The following SSH2 variants were observed in gnomAD, a reference collection of about 807,000 sequenced individuals.
SSH2 encodes slingshot protein phosphatase 2, also known as protein phosphatase Slingshot homolog 2.
SSH2 carries 37 observed loss-of-function variants against 135.2 expected under a neutral mutation model. The ratio of observed to expected loss-of-function variants is 0.27; its 90% CI spans 0.21 to 0.36. The LOEUF is 0.36. Among genes scored for constraint, SSH2 ranks in the 10% least tolerant of loss-of-function variants. SSH2 has a pLI of 1.00. For missense variants in SSH2, 1,408 were observed against 1,765.3 expected, an observed-to-expected ratio of 0.80 and a Z score of 3.63; for synonymous variants, 628 against 646.2, an observed-to-expected ratio of 0.97 and a Z score of 0.43.
intron 1 of SSH2, among the ~76,000 whole-genome samples, chr17:29,869,858 C>G (rs2065911237): frequency 6.6e-6 from 1 of 152,136 alleles, no homozygotes; most frequent in Non-Finnish European, 1.5e-5. Flanking sequence ...AATCAGAACT[C>G]TCCTCATAGG....
intron 13 of SSH2, among the ~76,000 whole-genome samples, chr17:29,648,970 C>A (rs1212565026): frequency 6.6e-6 from 1 of 152,134 alleles, no homozygotes; most frequent in Non-Finnish European, 1.5e-5. Flanking sequence ...GAAACCCTGT[C>A]TCTACTAAAA....
At chr17:29,810,362 A>G (rs1197580945) in intron 2 of SSH2, among the ~76,000 whole-genome samples, 2 of 152,230 alleles carry the variant, frequency 1.3e-5, no homozygotes, top group African/African-American at 4.8e-5. Flanking sequence ...TAAATTAGGG[A>G]ACTAATCATC....
chr17:29,649,044 G>A (rs1453841396), intron 13 of SSH2, among the ~76,000 whole-genome samples: 1 of 152,108 alleles, frequency 6.6e-6, no homozygotes, highest in East Asian at 1.9e-4. Context: ...AGGAGGCCGA[G>A]GCAGGAGAAT....
chr17:29,745,804 A>G (rs961090657), intron 3 of SSH2, among the ~76,000 whole-genome samples: 5 of 147,524 alleles, frequency 3.4e-5, no homozygotes, highest in South Asian at 2.2e-4. Context: ...CATAGGTATT[A>G]TAAGTTCCAT....
intron 1 of SSH2, chr17:29,883,130 A>G (rs1352168465): frequency 6.6e-6 from 1 of 152,166 alleles, no homozygotes; most frequent in African/African-American, 2.4e-5. Flanking sequence ...TAAAATAGAA[A>G]AGAAAAAAGA....
chr17:29,720,833 A>G (rs2039798272), intron 3 of SSH2, among the ~76,000 whole-genome samples: 1 of 152,218 alleles, frequency 6.6e-6, no homozygotes, highest in Non-Finnish European at 1.5e-5. Context: ...GTCAAAGAAA[A>G]GGGAAAAGAG....
At chr17:29,778,835 CAAAAAAAAAAAAAAA>C (rs60595591) in intron 3 of SSH2, among the ~76,000 whole-genome samples, 13 of 37,868 alleles carry the variant, frequency 3.4e-4, no homozygotes, top group East Asian at 2.3e-3. Flanking sequence ...CTCCGTCTCC[CAAAAAAAAAAAAAAA>C]AAAAAAAAAA....
Position 29,631,463 on chromosome 17 carries a change from C to G in SSH2, c.3731G>C (p.Ser1244Thr), listed in dbSNP as rs1254214856. 2 of 1,614,178 alleles carry G rather than the reference C, an allele frequency of 1.2e-6. No homozygotes were observed. Among genetic ancestry groups the G allele is most frequent in the African/African-American group, 1.3e-5 (1 of 75,034 alleles). Residue 1244 changes from serine to threonine, a missense_variant, in exon 16 of 16, where the codon AGT becomes ACT. Ser to Thr is a moderately conservative substitution (Grantham distance 58, BLOSUM62 1). Coordinates refer to ENST00000540801, the MANE Select transcript of SSH2 (RefSeq NM_001282129.2). ...GCTGAGACTCTTTATGTTTTCACTA[C>G]TAGAGCTATGTGGGAGTCGACAGGC... ...PVACRLPHSS[S>T]SENIKSLSHS...
At chr17:29,637,854 C>G (rs749588634) in intron 14 of SSH2, among the ~76,000 whole-genome samples, 5 of 151,484 alleles carry the variant, frequency 3.3e-5, no homozygotes, top group Non-Finnish European at 5.9e-5. Context: ...TGGCTCATGC[C>G]TGTAATCCTA....
rs868296024 is a variant in SSH2, at chr17:29,708,604, A to C, written c.189-5542T>G. On this transcript the variant is annotated intron_variant, in intron 3 of 15. Transcript: ENST00000540801. ...AACTCTGCTTCAAAAAAAAAAAAAA[A>C]AAACAAACAAAAAAACCGGTTCTTT... 9.9e-3 allele frequency among the ~76,000 whole-genome samples: 1,501 copies of C among 150,908 alleles called. 9 individuals are homozygous for C. The highest frequency in any genetic ancestry group is 0.017 in the Middle Eastern group (5 of 292).
intron 4 of SSH2, among the ~76,000 whole-genome samples, chr17:29,699,490 T>C (rs1305789429): frequency 1.3e-5 from 2 of 152,238 alleles, no homozygotes; most frequent in Non-Finnish European, 2.9e-5. Flanking sequence ...CCTCATCTGT[T>C]CCGGTCTGGA....
intron 5 of SSH2, among the ~76,000 whole-genome samples, chr17:29,694,998 T>C (rs2038666779): frequency 6.6e-6 from 1 of 152,160 alleles, no homozygotes; most frequent in African/African-American, 2.4e-5. Context: ...TAAAGTAACT[T>C]GTCCAGTATC....
chr17:29,693,431 C>A (rs2038577762), intron 5 of SSH2, among the ~76,000 whole-genome samples: 1 of 152,064 alleles, frequency 6.6e-6, no homozygotes. Flanking sequence ...CCTGCCTCAG[C>A]CTCCTGAGTA....
chr17:29,812,943 A>G (rs1023694833), intron 2 of SSH2, among the ~76,000 whole-genome samples: 1 of 152,138 alleles, frequency 6.6e-6, no homozygotes, highest in African/African-American at 2.4e-5. Flanking sequence ...TTCAAAACCA[A>G]AAGTGTATAC....
intron 1 of SSH2, among the ~76,000 whole-genome samples, chr17:29,875,836 T>C (rs1353822627): frequency 1.3e-5 from 2 of 152,106 alleles, no homozygotes; most frequent in African/African-American, 2.4e-5. Context: ...TCGGTATAAC[T>C]CCATCATGAA....
chr17:29,905,104 A>G (rs762775455), intron 1 of SSH2, among the ~76,000 whole-genome samples: 1 of 152,194 alleles, frequency 6.6e-6, no homozygotes, highest in Non-Finnish European at 1.5e-5. Flanking sequence ...TACACCCACT[A>G]AACTATCATT....
intron 5 of SSH2, among the ~76,000 whole-genome samples, chr17:29,688,190 T>C (rs2038308125): frequency 6.6e-6 from 1 of 152,016 alleles, no homozygotes; most frequent in African/African-American, 2.4e-5. Flanking sequence ...TTTGTGTTTT[T>C]AGTAGAGATG....
intron 11 of SSH2, among the ~76,000 whole-genome samples, chr17:29,661,061 C>CAAAA (rs374216221): frequency 1.2e-4 from 6 of 48,346 alleles, no homozygotes; most frequent in Admixed American, 9.5e-4. Context: ...AATTCCATCT[C>CAAAA]AAAAAAAAAA....
intron 3 of SSH2, among the ~76,000 whole-genome samples, chr17:29,714,618 C>T (rs903575068): frequency 2.6e-4 from 39 of 147,812 alleles, no homozygotes. Context: ...AGTGTTCATA[C>T]AGATGAACAT....
Sources: allele counts gnomAD v4.1 joint callset (sites outside exome capture counted in the v4.1 genomes callset), GRCh38; gene constraint gnomAD v4.1.1; transcripts MANE v1.5; gene names NCBI Gene and HGNC (gene_info 2026-07-23, HGNC 2026-07-21).